The following TRPM7 variants were observed in gnomAD, a reference collection of about 807,000 sequenced individuals.
TRPM7 encodes the protein LTRPC ion channel family member 7.
A neutral mutation model predicts 229.7 loss-of-function variants in TRPM7; 134 were observed. The observed-to-expected ratio is 0.58, with a 90% confidence interval of 0.51 to 0.67. The LOEUF (loss-of-function observed/expected upper bound fraction) is 0.67, where lower values mean the gene tolerates loss of function less well. Ranked by LOEUF, TRPM7 falls within the 30% of genes least tolerant of loss-of-function variation. The pLI is 0.00. For synonymous variants in TRPM7, 699 were observed against 715.2 expected (o/e 0.98, Z 0.36); for missense variants, 1,901 against 2,210.0 (o/e 0.86, Z 2.80).
intron 1 of TRPM7, among the ~76,000 whole-genome samples, chr15:50,680,844 A>G (rs764933614): frequency 1.4e-4 from 21 of 152,166 alleles, no homozygotes; most frequent in Non-Finnish European, 2.2e-4. Flanking sequence ...GTCAACACCT[A>G]CTCTACCACT....
chr15:50,647,196 T>C (rs1390389463), intron 4 of TRPM7, among the ~76,000 whole-genome samples: 1 of 152,206 alleles, frequency 6.6e-6, no homozygotes, highest in Non-Finnish European at 1.5e-5. Flanking sequence ...AGTGGCGCGA[T>C]CTCGGTTCAC....
In TRPM7 at chr15:50,580,914, G is replaced by GT. The variant is rs748386417; in HGVS notation, c.4558-7dup. ...GGTCTATCTTGTAACCAATCCTTCA[G>GT]TAAAAAAAAAACACACACACACAAA... On this transcript the variant is annotated splice_polypyrimidine_tract_variant and splice_region_variant and intron_variant, in intron 29 of 38. Transcript: ENST00000646667. 3 of 1,570,074 alleles carry GT rather than the reference G, an allele frequency of 1.9e-6. No homozygotes were observed. The highest frequency in any genetic ancestry group is 1.5e-5 in the African/African-American group (1 of 67,930).
chr15:50,628,379 C>T, intron 10 of TRPM7, 130 bp from the exon 11 acceptor site: 1 of 603,288 alleles, frequency 1.7e-6, no homozygotes, highest in South Asian at 2.1e-5. Context: ...GTGATCATGG[C>T]TCACTGCAGC....
intron 1 of TRPM7, among the ~76,000 whole-genome samples, chr15:50,669,239 C>A (rs1027143950): frequency 1.3e-5 from 2 of 151,456 alleles, no homozygotes; most frequent in South Asian, 2.1e-4. Flanking sequence ...GTCTGGAGTT[C>A]GAGACCAGCC....
rs2062350019 is a variant in TRPM7, at chr15:50,685,931, T to G, written c.3+600A>C. Among the ~76,000 whole-genome samples the G allele has an allele frequency of 1.3e-5, 2 of 152,094 alleles. 1 individual carries two copies. Among genetic ancestry groups the G allele is most frequent in the South Asian group, 4.1e-4 (2 of 4,832 alleles). Reference sequence around the variant, plus strand: ...CCCACCCACCAAAATCCTTAATTCTTGCTAAAGAAAAAAGATCTACCATCA... The same window carrying G: ...CCCACCCACCAAAATCCTTAATTCTGGCTAAAGAAAAAAGATCTACCATCA... On this transcript the variant is annotated intron_variant, in intron 1 of 38. Transcript: ENST00000646667.
At position 50,559,838 on chromosome 15, in the gene TRPM7, C is replaced by T. The variant is rs1328400055; in HGVS notation, c.*1840G>A. 1 of 151,890 alleles carries T rather than the reference C, an allele frequency of 6.6e-6. No homozygotes were observed. Among genetic ancestry groups the T allele is most frequent in the South Asian group, 2.1e-4 (1 of 4,818 alleles). The allele number at this position is 151,890 out of a possible 1,614,324, so 9.4% of individuals were successfully genotyped here. The stretch of plus-strand genomic sequence containing the variant: ...GACCACACTGGCCAACATAGTGAAA[C>T]CCTGTCTCTACTAAAAATATAAAAA... On this transcript the variant is annotated 3_prime_UTR_variant, in exon 39 of 39. Coordinates refer to ENST00000646667, the MANE Select transcript of TRPM7 (RefSeq NM_017672.6).
At chr15:50,616,353 T>C (rs947202995) in intron 13 of TRPM7, among the ~76,000 whole-genome samples, 1 of 152,234 alleles carries the variant, frequency 6.6e-6, no homozygotes, top group African/African-American at 2.4e-5. Flanking sequence ...AATTCTCACA[T>C]TTGTTTCCAA....
At chr15:50,619,706 T>C in intron 13 of TRPM7, 39 bp downstream of exon 13, 1 of 1,479,886 alleles carries the variant, frequency 6.8e-7, no homozygotes, top group Non-Finnish European at 9.1e-7. Context: ...AATGATTTTT[T>C]AAAATAACAT....
At chr15:50,584,217 CA>C (rs1483884044) in intron 28 of TRPM7, among the ~76,000 whole-genome samples, 2 of 152,092 alleles carry the variant, frequency 1.3e-5, no homozygotes. Context: ...AGGAAAATCT[CA>C]GAACAAAATT....
intron 1 of TRPM7, among the ~76,000 whole-genome samples, chr15:50,678,517 A>AAAAAAT (rs1234712751): frequency 4.5e-5 from 6 of 132,720 alleles, no homozygotes; most frequent in African/African-American, 1.7e-4. Flanking sequence ...AAAAAAAAAA[A>AAAAAAT]ATATATATAT....
intron 1 of TRPM7, among the ~76,000 whole-genome samples, chr15:50,683,905 A>C (rs1282652406): frequency 1.3e-5 from 2 of 151,972 alleles, no homozygotes; most frequent in Non-Finnish European, 2.9e-5. Context: ...ACTCTCACCC[A>C]GGCTGGAGTG....
Position 50,599,313 on chromosome 15 carries a change from ACT to A in TRPM7, c.2989-19_2989-18del, listed in dbSNP as rs1416907462. On this transcript the variant is annotated intron_variant, in intron 21 of 38. Coordinates refer to ENST00000646667, the MANE Select transcript of TRPM7 (RefSeq NM_017672.6). ...ATTGGCCACCTGTTAAAAAATGAAC[ACT>A]GTTAAAATACAAGGAAGTTTAAACA... The A allele has an allele frequency of 6.3e-7, 1 of 1,580,118 alleles. No individual in the cohort carries two copies. Among genetic ancestry groups the A allele is most frequent in the Non-Finnish European group, 8.6e-7 (1 of 1,159,276 alleles).
chr15:50,619,026 T>G (rs1159530142), intron 13 of TRPM7, among the ~76,000 whole-genome samples: 6 of 152,188 alleles, frequency 3.9e-5, no homozygotes, highest in African/African-American at 1.4e-4. Flanking sequence ...TGGCAAAGTC[T>G]GCCATTAAGA....
At position 50,611,235 on chromosome 15, in the gene TRPM7, A is replaced by G; in HGVS notation, c.2138T>C (p.Leu713Pro). ...TMAMKLLTYE[L>P]KNWSNSTCLK... Reference sequence around the variant, plus strand: ...GCAGGTTGAATTACTCCAGTTCTTCAGTTCATAAGTGAGCAATTTCATAGC... The same window carrying G: ...GCAGGTTGAATTACTCCAGTTCTTCGGTTCATAAGTGAGCAATTTCATAGC... Residue 713 changes from leucine to proline, a missense_variant, in exon 17 of 39, where the codon CTG (leucine) becomes CCG (proline). Around this residue, in one of 8 missense-constraint regions of TRPM7, gnomAD observed 794 missense variants for 881.9 expected, o/e 0.90. Transcript: ENST00000646667. 6.2e-7 allele frequency: 1 copy of G among 1,613,982 alleles called. No homozygotes were observed. Among genetic ancestry groups the G allele is most frequent in the Non-Finnish European group, 8.5e-7 (1 of 1,179,954 alleles).
At chr15:50,589,833 G>A (rs1259700236) in intron 26 of TRPM7, among the ~76,000 whole-genome samples, 177 bp from the exon 27 acceptor site, 2 of 148,744 alleles carry the variant, frequency 1.3e-5, no homozygotes, top group Non-Finnish European at 3.0e-5. Flanking sequence ...CCAAGAAGCT[G>A]GTGAAGGTTA....
Position 50,658,297 on chromosome 15 carries a change from G to A in TRPM7, c.84-478C>T, listed in dbSNP as rs191386398. Among the ~76,000 whole-genome samples the A allele has an allele frequency of 1.7e-3, 261 of 152,072 alleles. 1 individual carries two copies. Among genetic ancestry groups the A allele is most frequent in the East Asian group, 0.014 (73 of 5,176 alleles). ...TAGGATTACAGGTGTGAGCCACCGC[G>A]CCTGGCAGACAGTCCACACCTATAA... On this transcript the variant is annotated intron_variant, in intron 2 of 38. Transcript: ENST00000646667.
intron 21 of TRPM7, among the ~76,000 whole-genome samples, chr15:50,600,436 TA>T (rs894855873): frequency 3.3e-3 from 429 of 129,974 alleles, no homozygotes; most frequent in Middle Eastern, 4.0e-3. Context: ...GACTCCATCT[TA>T]AAAAAAAAAA....
rs763264486 is a variant in TRPM7, at chr15:50,599,179, T to C, written c.3106A>G (p.Ile1036Val). 5.6e-6 allele frequency: 9 copies of C among 1,613,196 alleles called. No homozygotes were observed. The South Asian group carries it at 7.7e-5, about 14-fold the overall frequency. The change falls in exon 22 of 39, where the codon ATA (isoleucine) becomes GTA (valine). Residue 1036 changes from isoleucine to valine, a missense_variant. Around this residue, in one of 8 missense-constraint regions of TRPM7, gnomAD observed 89 missense variants for 178.2 expected, o/e 0.50. Transcript: ENST00000646667. ...ATCATCCAGTATGGGTGAAAAACTA[T>C]ATCTTTAGCAAGAGTCCAAGATGGT... ...EAPSWTLAKD[I>V]VFHPYWMIFG...
chr15:50,578,839 GATATATAT>G (rs1221756137), intron 30 of TRPM7, among the ~76,000 whole-genome samples, 175 bp from the exon 31 acceptor site: 1 of 149,420 alleles, frequency 6.7e-6, no homozygotes, highest in Non-Finnish European at 1.5e-5. Flanking sequence ...TCCATATATA[GATATATAT>G]ATCTATATAT....
Sources: allele counts gnomAD v4.1 joint callset (sites outside exome capture counted in the v4.1 genomes callset), GRCh38; gene constraint gnomAD v4.1.1; regional missense constraint gnomAD v4.1.1; transcripts MANE v1.5; gene names NCBI Gene and HGNC (gene_info 2026-07-23, HGNC 2026-07-21).